Variants in SEPTIN6 observed in about 807,000 individuals in gnomAD.
The protein encoded by SEPTIN6 is septin-6.
Under a neutral mutation model 33.6 loss-of-function variants are expected in SEPTIN6, and 8 were observed. The ratio of observed to expected loss-of-function variants is 0.24; its 90% CI spans 0.14 to 0.43. The LOEUF (loss-of-function observed/expected upper bound fraction) is 0.43, where lower values mean the gene tolerates loss of function less well. Among genes scored for constraint, SEPTIN6 ranks in the 20% least tolerant of loss-of-function variants. The pLI, the probability that SEPTIN6 is intolerant of heterozygous loss-of-function variation, is 1.00. For missense variants in SEPTIN6, 250 were observed against 340.8 expected (o/e 0.73, Z 2.10); for synonymous variants, 131 against 140.0 (o/e 0.94, Z 0.45).
intron 10 of SEPTIN6, among the ~76,000 whole-genome samples, chrX:119,621,496 T>TGTGTGTGTGTG (rs1234941843): frequency 3.5e-4 from 36 of 102,678 alleles, no homozygotes; most frequent in South Asian, 8.9e-4. Context: ...TGTGTGTGTA[T>TGTGTGTGTGTG]TTTTATTTCT....
chrX:119,684,097 A>C (rs2055009877), intron 1 of SEPTIN6, among the ~76,000 whole-genome samples: 1 of 109,362 alleles, frequency 9.1e-6, no homozygotes. Flanking sequence ...GTACCACCAC[A>C]CCCAGCTAAT....
chrX:119,655,337 A>G (rs1376201562), intron 3 of SEPTIN6, among the ~76,000 whole-genome samples: 2 of 110,041 alleles, frequency 1.8e-5, no homozygotes, highest in Admixed American at 2.0e-4. Flanking sequence ...AGTTTCCGCT[A>G]CTGCTCTGCA....
At chrX:119,664,201 C>G (rs1411960495) in intron 2 of SEPTIN6, among the ~76,000 whole-genome samples, 1 of 111,511 alleles carries the variant, frequency 9.0e-6, no homozygotes, top group Non-Finnish European at 1.9e-5. Context: ...CCAGGCTGGT[C>G]TCAAACTCCT....
Position 119,675,527 on chromosome X carries a change from A to C in SEPTIN6, c.145+27T>G, listed in dbSNP as rs1227590033. ...CCATTAAGGATCCATATTCTGTAAT[A>C]GAATTTCCTGCTATGGAAATACTCA... On this transcript the variant is annotated intron_variant, in intron 2 of 10. Coordinates refer to ENST00000394610, the MANE Select transcript of SEPTIN6 (RefSeq NM_145799.4). 4.3e-6 allele frequency: 4 copies of C among 926,963 alleles called. No homozygotes were observed. The South Asian group carries it at 8.2e-5, about 19-fold the overall frequency. 76.4% of individuals were successfully genotyped at this position (926,963 alleles called of 1,213,427 possible).
intron 3 of SEPTIN6, among the ~76,000 whole-genome samples, chrX:119,658,097 C>A (rs907140798): frequency 2.2e-4 from 25 of 111,895 alleles, no homozygotes; most frequent in East Asian, 5.6e-4. Flanking sequence ...ACTGCACTCC[C>A]GTCTGGGCAA....
Position 119,636,979 on chromosome X carries a change from G to GGCTGA in SEPTIN6, c.956+43_956+47dup, listed in dbSNP as rs774854874. On this transcript the variant is annotated intron_variant, in intron 7 of 10. Transcript: ENST00000394610. ...GGAAGGCTTCCACACCACCTGAGTG[G>GGCTGA]GCTGAGCTGAGCTGGGCTGGGCTGG... 30 of 1,175,802 alleles carry GGCTGA rather than the reference G, an allele frequency of 2.6e-5. No homozygotes were observed. The South Asian group carries it at 4.4e-4, about 17-fold the overall frequency.
intron 1 of SEPTIN6, among the ~76,000 whole-genome samples, chrX:119,687,406 A>G (rs747393506): frequency 2.8e-5 from 3 of 109,037 alleles, no homozygotes; most frequent in Non-Finnish European, 3.8e-5. Context: ...ACCCGCCACC[A>G]CGCCCGGCTA....
intron 9 of SEPTIN6, among the ~76,000 whole-genome samples, chrX:119,626,470 T>A (rs1056896461): frequency 2.7e-5 from 3 of 111,747 alleles, no homozygotes; most frequent in Non-Finnish European, 1.9e-5. Context: ...GATGACAAAT[T>A]TAGATTTTTC....
chrX:119,653,548 C>T (rs1367863488), intron 3 of SEPTIN6, among the ~76,000 whole-genome samples: 1 of 112,426 alleles, frequency 8.9e-6, no homozygotes, highest in African/African-American at 3.2e-5. Context: ...GACTGATTTT[C>T]CTCCAAGCTG....
At chrX:119,671,766 C>CAAAAG (rs906633540) in intron 2 of SEPTIN6, among the ~76,000 whole-genome samples, 37 of 110,648 alleles carry the variant, frequency 3.3e-4, no homozygotes, top group Non-Finnish European at 5.9e-4. Context: ...GACTGTGTCT[C>CAAAAG]AAAAGAAAAG....
At chrX:119,652,227 T>A (rs1223223052) in intron 4 of SEPTIN6, among the ~76,000 whole-genome samples, 1 of 111,280 alleles carries the variant, frequency 9.0e-6, no homozygotes, top group African/African-American at 3.3e-5. Flanking sequence ...CCCAGCCAAG[T>A]TTTTCTTAAA....
At position 119,653,048 on chromosome X, in the gene SEPTIN6, G is replaced by A. The variant is rs1324833931; in HGVS notation, c.342-8C>T. ...TCCACGATAGGCTTGTAGCTAAAAG[G>A]GAGAGCAGGGACAGAGGCGGATCCC... On this transcript the variant is annotated splice_polypyrimidine_tract_variant and splice_region_variant and intron_variant, in intron 3 of 10. Transcript: ENST00000394610. 1 of 1,198,207 alleles carries A rather than the reference G, an allele frequency of 8.3e-7. No homozygotes were observed. The highest frequency in any genetic ancestry group is 1.1e-6 in the Non-Finnish European group (1 of 885,622).
intron 1 of SEPTIN6, among the ~76,000 whole-genome samples, chrX:119,676,792 C>G (rs935518759): frequency 7.2e-5 from 8 of 111,655 alleles, no homozygotes; most frequent in African/African-American, 2.6e-4. Flanking sequence ...AATTGTTCCT[C>G]TCTCTCTAGA....
At chrX:119,665,015 C>T (rs1301810119) in intron 2 of SEPTIN6, among the ~76,000 whole-genome samples, 5 of 109,642 alleles carry the variant, frequency 4.6e-5, no homozygotes, top group African/African-American at 1.0e-4. Context: ...CCTGGTTGAA[C>T]GGTTGAACTT....
chrX:119,628,200 G>A (rs1374508797), intron 9 of SEPTIN6, among the ~76,000 whole-genome samples: 1 of 107,976 alleles, frequency 9.3e-6, no homozygotes, highest in East Asian at 2.9e-4. Context: ...TCAGCTTACT[G>A]TAACCTACAC....
Position 119,618,658 on chromosome X carries a change from TG to T in SEPTIN6, c.*1434del, listed in dbSNP as rs2147423692. Reference sequence around the variant, plus strand: ...CTTGAAGTACATGGCAGGATAGGGGTGGGGGGCCTCGCTGCCTGGCACCCCA... The same window carrying T: ...CTTGAAGTACATGGCAGGATAGGGGTGGGGGCCTCGCTGCCTGGCACCCCA... On this transcript the variant is annotated 3_prime_UTR_variant, in exon 11 of 11. Coordinates refer to ENST00000394610, the MANE Select transcript of SEPTIN6 (RefSeq NM_145799.4). 3 of 1,168,485 alleles carry T rather than the reference TG, an allele frequency of 2.6e-6. No individual in the cohort carries two copies. The highest frequency in any genetic ancestry group is 6.2e-5 in the East Asian group (2 of 32,195).
chrX:119,665,366 A>C (rs1378138843), intron 2 of SEPTIN6, among the ~76,000 whole-genome samples: 2 of 111,928 alleles, frequency 1.8e-5, no homozygotes, highest in Non-Finnish European at 3.8e-5. Flanking sequence ...GGCCTCCCGA[A>C]GTACTGGGAT....
At chrX:119,633,044 G>A (rs1193544306) in intron 8 of SEPTIN6, among the ~76,000 whole-genome samples, 1 of 112,404 alleles carries the variant, frequency 8.9e-6, no homozygotes, top group East Asian at 2.8e-4. Context: ...AGTATTCCAT[G>A]GTGTATATGT....
chrX:119,676,073 T>C (rs1377098284), intron 1 of SEPTIN6, among the ~76,000 whole-genome samples: 2 of 111,595 alleles, frequency 1.8e-5, no homozygotes, highest in Non-Finnish European at 3.8e-5. Context: ...ATATGGCATA[T>C]CTTAGAGGTG....
Sources: gnomAD v4.1 joint callset for allele counts (sites outside exome capture counted in the v4.1 genomes callset) on GRCh38, gnomAD v4.1.1 for gene constraint, MANE v1.5 for transcripts, NCBI Gene and HGNC (gene_info 2026-07-23, HGNC 2026-07-21) for gene names.